Variants in CCDC54 observed in about 807,000 individuals in gnomAD.
CCDC54 encodes the protein coiled-coil domain containing 54, also known as coiled-coil domain-containing protein 54.
In CCDC54, 2 loss-of-function variants were observed where a neutral mutation model predicts 2.9. The ratio of observed to expected loss-of-function variants is 0.69; its 90% confidence interval spans 0.28 to 2.16. The LOEUF (loss-of-function observed/expected upper bound fraction) is 2.16. Among genes scored for constraint, CCDC54 ranks in the 30% most tolerant of loss-of-function variants. The pLI, the probability that CCDC54 is intolerant of heterozygous loss-of-function variation, is 0.13. For synonymous variants in CCDC54, 128 were observed against 129.6 expected, an observed-to-expected ratio of 0.99 and a Z score of 0.08; for missense variants, 368 against 378.1, an observed-to-expected ratio of 0.97 and a Z score of 0.22.
At position 107,377,494 on chromosome 3, in the gene CCDC54, C is replaced by A; in HGVS notation, c.-94C>A. 7.7e-7 allele frequency: 1 copy of A among 1,296,148 alleles called. No individual in the cohort carries two copies. The highest frequency in any genetic ancestry group is 1.1e-6 in the Non-Finnish European group (1 of 937,988). 80.3% of individuals were successfully genotyped at this position (1,296,148 alleles called of 1,614,324 possible). A position where few individuals can be genotyped will look rare whatever the true frequency, so the allele number is the denominator to read the frequency against. On this transcript the variant is annotated 5_prime_UTR_variant, in exon 1 of 1. Coordinates refer to ENST00000261058, the MANE Select transcript of CCDC54 (RefSeq NM_032600.3). ...CTAAGATGTTATCAGGAAAGGCATCCAACAAATAGTAAGAGAAGGACCATT... is the reference window on the plus strand; with the variant it reads ...CTAAGATGTTATCAGGAAAGGCATCAAACAAATAGTAAGAGAAGGACCATT...
At position 107,377,650 on chromosome 3, in the gene CCDC54, C is replaced by G. The variant is rs1157599841; in HGVS notation, c.63C>G (p.Leu21=). ...CTAGGCAGATGTGGACTTCAAATCT[C>G]TCCAAGGTCAGACAGTCTCTTAAAA... ...AAARQMWTSN[L]SKVRQSLKNV... The change falls in exon 1 of 1, where the codon CTC becomes CTG. Residue 21 remains leucine (L), a synonymous_variant. Transcript: ENST00000261058. 6.2e-7 allele frequency: 1 copy of G among 1,613,994 alleles called. No individual in the cohort carries two copies. The highest frequency in any genetic ancestry group is 8.5e-7 in the Non-Finnish European group (1 of 1,179,974).
chr3:107,378,426 C>T lies in CCDC54; in HGVS notation c.839C>T (p.Thr280Ile), dbSNP rs1559741110. Residue 280 changes from threonine to isoleucine, a missense_variant, in exon 1 of 1, where the codon ACC becomes ATC. By Grantham distance (89) the Thr-to-Ile change is moderately conservative. Transcript: ENST00000261058. ...ATCCAGTGGCTTCTTTCTAGGCCAA[C>T]CATTCTTCCTGAGGAACCCCAGGTC... ...EFIQWLLSRP[T>I]ILPEEPQVIT... The T allele has an allele frequency of 3.1e-6, 5 of 1,614,052 alleles. No individual in the cohort carries two copies. The highest frequency in any genetic ancestry group is 2.7e-5 in the African/African-American group (2 of 74,936).
Position 107,378,517 on chromosome 3 carries a change from C to A in CCDC54, c.930C>A (p.Ile310=). 6.2e-7 allele frequency: 1 copy of A among 1,614,018 alleles called. No individual in the cohort carries two copies. Among genetic ancestry groups the A allele is most frequent in the Non-Finnish European group, 8.5e-7 (1 of 1,179,898 alleles). ...GCTTGACCACAATCTGTCTCTCCAT[C>A]TTCAACAATATTTACGGCTTTATTT... ...ILSLTTICLS[I]FNNIYGFICS... Residue 310 remains isoleucine, a synonymous_variant, in exon 1 of 1, where the codon ATC becomes ATA. Coordinates refer to ENST00000261058, the MANE Select transcript of CCDC54 (RefSeq NM_032600.3).
the CCDC54 span, chr3:107,378,313 C>A: frequency 1.9e-6 from 3 of 1,614,180 alleles, no homozygotes; most frequent in Non-Finnish European, 2.5e-6. Context: ...TTTACATTTA[C>A]CCAGACTTCA....
chr3:107,377,949 C>T lies in CCDC54; in HGVS notation c.362C>T (p.Thr121Ile). ...AATGTTAATGAAGACAAACAATGCA[C>T]AACGACTAAAGATATCCTCTCTATG... ...RMNVNEDKQC[T>I]TTKDILSMKE... The change falls in exon 1 of 1, where the codon ACA (threonine) becomes ATA (isoleucine). Residue 121 changes from threonine (T) to isoleucine (I), a missense_variant. Thr to Ile is a moderately conservative substitution (Grantham distance 89). Transcript: ENST00000261058. The T allele has an allele frequency of 6.2e-7, 1 of 1,614,080 alleles. No individual in the cohort carries two copies. The highest frequency in any genetic ancestry group is 8.5e-7 in the Non-Finnish European group (1 of 1,180,004).
rs1335770176 is a variant in CCDC54 at position 107,378,456 on chromosome 3, C to G, written c.869C>G (p.Thr290Ser). The G allele has an allele frequency of 6.2e-7, 1 of 1,614,150 alleles. No homozygotes were observed. The highest frequency in any genetic ancestry group is 1.7e-5 in the Admixed American group (1 of 60,022). The change falls in exon 1 of 1, where the codon ACC becomes AGC. Residue 290 changes from threonine (T) to serine (S), a missense_variant. By Grantham distance (58) the Thr-to-Ser change is moderately conservative. Coordinates refer to ENST00000261058, the MANE Select transcript of CCDC54 (RefSeq NM_032600.3). ...TILPEEPQVITQRYCPFTGPI... is the reference protein window; with the variant it reads ...TILPEEPQVISQRYCPFTGPI... ...CTTCCTGAGGAACCCCAGGTCATAA[C>G]CCAGAGATACTGTCCATTCACTGGG...
chr3:107,377,582 T>C lies in CCDC54; in HGVS notation c.-6T>C. The stretch of plus-strand genomic sequence containing the variant: ...CAACACCTTGCCTCTTGTTTCACCA[T>C]GAAAGATGTACACACTTCACACCAA... On this transcript the variant is annotated 5_prime_UTR_variant, in exon 1 of 1. The change abolishes an upstream ATG in the 5' untranslated region. Coordinates refer to ENST00000261058, the MANE Select transcript of CCDC54 (RefSeq NM_032600.3). 1 of 1,588,866 alleles carries C rather than the reference T, an allele frequency of 6.3e-7. No individual in the cohort carries two copies. Among genetic ancestry groups the C allele is most frequent in the Non-Finnish European group, 8.5e-7 (1 of 1,170,494 alleles).
At position 107,378,351 on chromosome 3, in the gene CCDC54, A is replaced by G. The variant is rs775136264; in HGVS notation, c.764A>G (p.His255Arg). 1.2e-6 allele frequency: 2 copies of G among 1,614,236 alleles called. No homozygotes were observed. Among genetic ancestry groups the G allele is most frequent in the East Asian group, 2.2e-5 (1 of 44,888 alleles). The change falls in exon 1 of 1, where the codon CAT (histidine) becomes CGT (arginine). Residue 255 changes from histidine to arginine, a missense_variant. Transcript: ENST00000261058. ...FSTWIKLTFV[H>R]GGKWTFFLSA... Reference sequence around the variant, plus strand: ...ACATGGATCAAGCTAACTTTTGTTCATGGAGGAAAATGGACATTTTTCCTC... The same window carrying G: ...ACATGGATCAAGCTAACTTTTGTTCGTGGAGGAAAATGGACATTTTTCCTC...
Position 107,378,413 on chromosome 3 carries a change from C to T in CCDC54, c.826C>T (p.Leu276Phe), listed in dbSNP as rs765197465. 1 of 1,614,186 alleles carries T rather than the reference C, an allele frequency of 6.2e-7. No individual in the cohort carries two copies. Among genetic ancestry groups the T allele is most frequent in the Non-Finnish European group, 8.5e-7 (1 of 1,180,010 alleles). Residue 276 changes from leucine (L) to phenylalanine (F), a missense_variant, in exon 1 of 1, where the codon CTT (leucine) becomes TTT (phenylalanine). Coordinates refer to ENST00000261058, the MANE Select transcript of CCDC54 (RefSeq NM_032600.3). ...GTTAGAAGAATTCATCCAGTGGCTTCTTTCTAGGCCAACCATTCTTCCTGA... is the reference window on the plus strand; with the variant it reads ...GTTAGAAGAATTCATCCAGTGGCTTTTTTCTAGGCCAACCATTCTTCCTGA... ...TKLEEFIQWL[L>F]SRPTILPEEP... is the part of the protein sequence containing the mutation.
chr3:107,378,109 A>G lies in CCDC54; in HGVS notation c.522A>G (p.Ile174Met). ...KEITELLYKLIQPATLKNTLA... is the reference protein window; with the variant it reads ...KEITELLYKLMQPATLKNTLA... ...TCACAGAACTGCTTTACAAACTCAT[A>G]CAACCAGCAACTCTGAAGAACACTT... is the stretch of plus-strand genomic sequence containing the variant. The change falls in exon 1 of 1, where the codon ATA becomes ATG. Residue 174 changes from isoleucine to methionine, a missense_variant. Coordinates refer to ENST00000261058, the MANE Select transcript of CCDC54 (RefSeq NM_032600.3). 1 of 1,614,204 alleles carries G rather than the reference A, an allele frequency of 6.2e-7. No homozygotes were observed. The highest frequency in any genetic ancestry group is 8.5e-7 in the Non-Finnish European group (1 of 1,180,030).
chr3:107,377,695 G>A lies in CCDC54; in HGVS notation c.108G>A (p.Lys36=), dbSNP rs141662259. The A allele has an allele frequency of 4.6e-4, 749 of 1,614,148 alleles. 3 individuals are homozygous for A. Among genetic ancestry groups the A allele is most frequent in the African/African-American group, 3.8e-3 (286 of 75,042 alleles). ...TTAAAAATGTTTACCACAAATGTAAGATTCGGCACCAAGATTCAACTGGAT... is the reference window on the plus strand; with the variant it reads ...TTAAAAATGTTTACCACAAATGTAAAATTCGGCACCAAGATTCAACTGGAT... ...QSLKNVYHKC[K]IRHQDSTGYP... The change falls in exon 1 of 1, where the codon AAG becomes AAA. Residue 36 remains lysine (K), a synonymous_variant. Transcript: ENST00000261058.
At position 107,378,525 on chromosome 3, in the gene CCDC54, A is replaced by T; in HGVS notation, c.938A>T (p.Asn313Ile). 1 of 1,614,028 alleles carries T rather than the reference A, an allele frequency of 6.2e-7. No individual in the cohort carries two copies. The highest frequency in any genetic ancestry group is 8.5e-7 in the Non-Finnish European group (1 of 1,179,960). ...LTTICLSIFN[N>I]IYGFICSLKE... ...ACAATCTGTCTCTCCATCTTCAACA[A>T]TATTTACGGCTTTATTTGTTCCTTA... is the stretch of plus-strand genomic sequence containing the variant. The change falls in exon 1 of 1, where the codon AAT (asparagine) becomes ATT (isoleucine). Residue 313 changes from asparagine (N) to isoleucine (I), a missense_variant. Coordinates refer to ENST00000261058, the MANE Select transcript of CCDC54 (RefSeq NM_032600.3).
chr3:107,378,117 C>T lies in CCDC54; in HGVS notation c.530C>T (p.Ala177Val). ...CTGCTTTACAAACTCATACAACCAG[C>T]AACTCTGAAGAACACTTTGGCCTCT... ...TELLYKLIQPATLKNTLASTD... is the reference protein window; with the variant it reads ...TELLYKLIQPVTLKNTLASTD... Residue 177 changes from alanine to valine, a missense_variant, in exon 1 of 1, where the codon GCA becomes GTA. By Grantham distance (64) the Ala-to-Val change is moderately conservative. Transcript: ENST00000261058. The T allele has an allele frequency of 6.2e-7, 1 of 1,614,128 alleles. No individual in the cohort carries two copies. Among genetic ancestry groups the T allele is most frequent in the Non-Finnish European group, 8.5e-7 (1 of 1,179,990 alleles).
In CCDC54 at chr3:107,378,449, G is replaced by A. The variant is rs1166563833; in HGVS notation, c.862G>A (p.Val288Ile). Residue 288 changes from valine (V) to isoleucine (I), a missense_variant, in exon 1 of 1, where the codon GTC becomes ATC. Coordinates refer to ENST00000261058, the MANE Select transcript of CCDC54 (RefSeq NM_032600.3). ...RPTILPEEPQVITQRYCPFTG... is the reference protein window; with the variant it reads ...RPTILPEEPQIITQRYCPFTG... The stretch of plus-strand genomic sequence containing the variant: ...AACCATTCTTCCTGAGGAACCCCAG[G>A]TCATAACCCAGAGATACTGTCCATT... 1 of 1,614,138 alleles carries A rather than the reference G, an allele frequency of 6.2e-7. No homozygotes were observed. The highest frequency in any genetic ancestry group is 1.7e-5 in the Admixed American group (1 of 60,032).
chr3:107,378,107 A>G lies in CCDC54; in HGVS notation c.520A>G (p.Ile174Val), dbSNP rs1238633661. ...AATCACAGAACTGCTTTACAAACTC[A>G]TACAACCAGCAACTCTGAAGAACAC... ...KEITELLYKL[I>V]QPATLKNTLA... Residue 174 changes from isoleucine (I) to valine (V), a missense_variant, in exon 1 of 1, where the codon ATA (isoleucine) becomes GTA (valine). Coordinates refer to ENST00000261058, the MANE Select transcript of CCDC54 (RefSeq NM_032600.3). 1.2e-6 allele frequency: 2 copies of G among 1,614,010 alleles called. No homozygotes were observed. The highest frequency in any genetic ancestry group is 2.7e-5 in the African/African-American group (2 of 74,932).
Position 107,378,365 on chromosome 3 carries a change from A to G in CCDC54, c.778A>G (p.Thr260Ala). ...KLTFVHGGKW[T>A]FFLSATKLEE... ...AACTTTTGTTCATGGAGGAAAATGGACATTTTTCCTCAGTGCTACCAAGTT... is the reference window on the plus strand; with the variant it reads ...AACTTTTGTTCATGGAGGAAAATGGGCATTTTTCCTCAGTGCTACCAAGTT... Residue 260 changes from threonine to alanine, a missense_variant, in exon 1 of 1, where the codon ACA (threonine) becomes GCA (alanine). Physicochemically the swap from Thr to Ala is moderately conservative, Grantham distance 58. Coordinates refer to ENST00000261058, the MANE Select transcript of CCDC54 (RefSeq NM_032600.3). 6.2e-7 allele frequency: 1 copy of G among 1,614,118 alleles called. No homozygotes were observed. Among genetic ancestry groups the G allele is most frequent in the East Asian group, 2.2e-5 (1 of 44,884 alleles).
chr3:107,377,756 G>A lies in CCDC54; in HGVS notation c.169G>A (p.Asp57Asn). 6.2e-7 allele frequency: 1 copy of A among 1,614,148 alleles called. No homozygotes were observed. Among genetic ancestry groups the A allele is most frequent in the South Asian group, 1.1e-5 (1 of 91,078 alleles). ...TVTSDDCNQD[D>N]DSYDGKMNLP... ...GACATCTGATGATTGTAATCAAGAT[G>A]ATGATAGTTATGACGGAAAAATGAA... The change falls in exon 1 of 1, where the codon GAT becomes AAT. Residue 57 changes from aspartate to asparagine, a missense_variant. Asp to Asn is a conservative substitution (Grantham distance 23, BLOSUM62 1). Transcript: ENST00000261058.
chr3:107,378,371 T>C lies in CCDC54; in HGVS notation c.784T>C (p.Phe262Leu). 6.2e-7 allele frequency: 1 copy of C among 1,614,214 alleles called. No individual in the cohort carries two copies. Among genetic ancestry groups the C allele is most frequent in the Non-Finnish European group, 8.5e-7 (1 of 1,180,018 alleles). The change falls in exon 1 of 1, where the codon TTC becomes CTC. Residue 262 changes from phenylalanine to leucine, a missense_variant. By Grantham distance (22) the Phe-to-Leu change is conservative (BLOSUM62 0). Transcript: ENST00000261058. ...TFVHGGKWTFFLSATKLEEFI... is the reference protein window; with the variant it reads ...TFVHGGKWTFLLSATKLEEFI... ...TGTTCATGGAGGAAAATGGACATTT[T>C]TCCTCAGTGCTACCAAGTTAGAAGA...
Position 107,378,623 on chromosome 3 carries a change from C to T in CCDC54, c.*49C>T, listed in dbSNP as rs1388420087. 1.3e-6 allele frequency: 2 copies of T among 1,545,228 alleles called. No individual in the cohort carries two copies. The highest frequency in any genetic ancestry group is 4.5e-5 in the East Asian group (2 of 44,510). Reference sequence around the variant, plus strand: ...ACAAAATAAATGTAACCTGGAGGCTCCAAGTATTCACACATTGGTGTGGTG... The same window carrying T: ...ACAAAATAAATGTAACCTGGAGGCTTCAAGTATTCACACATTGGTGTGGTG... On this transcript the variant is annotated 3_prime_UTR_variant, in exon 1 of 1. Transcript: ENST00000261058.
Sources: gnomAD v4.1 joint callset for allele counts on GRCh38, gnomAD v4.1.1 for gene constraint, MANE v1.5 for transcripts, NCBI Gene and HGNC (gene_info 2026-07-23, HGNC 2026-07-21) for gene names.